Variants in TRAPPC5 observed in about 807,000 individuals in gnomAD.
TRAPPC5 encodes trafficking protein particle complex subunit 5, also known as trafficking protein particle complex 5.
Under a neutral mutation model 9.8 loss-of-function variants are expected in TRAPPC5, and 5 were observed. That is an observed-to-expected ratio of 0.51 (90% CI 0.27 to 1.07). The LOEUF (loss-of-function observed/expected upper bound fraction) is 1.07, where lower values mean the gene tolerates loss of function less well. Among genes scored for constraint, TRAPPC5 ranks in the 50% least tolerant of loss-of-function variants. The pLI is 0.12. For synonymous variants in TRAPPC5, 146 were observed against 140.7 expected, an observed-to-expected ratio of 1.04 and a Z score of -0.26; for missense variants, 243 against 291.5, an observed-to-expected ratio of 0.83 and a Z score of 1.21.
chr19:7,682,604 C>T lies in TRAPPC5; in HGVS notation c.351C>T (p.Ile117=), dbSNP rs1040328358. The T allele has an allele frequency of 3.2e-5, 51 of 1,612,778 alleles. No homozygotes were observed. Among genetic ancestry groups the T allele is most frequent in the Non-Finnish European group, 4.2e-5 (50 of 1,179,992 alleles). The stretch of plus-strand genomic sequence containing the variant: ...ACGATGACGCGCGCACCTTCTACAT[C>T]ATCGAGCGCGAGCCGCTCATCAACA... ...QANDDARTFY[I]IEREPLINTY... The change falls in exon 2 of 2, where the codon ATC becomes ATT. Residue 117 remains isoleucine, a synonymous_variant. Coordinates refer to ENST00000596148, the MANE Select transcript of TRAPPC5 (RefSeq NM_001042462.2). This position sits in a 1 kb window ranked among gnomAD's most constrained non-coding sequence, Gnocchi z 8.6.
rs915860516 is a variant in TRAPPC5 at position 7,681,478 on chromosome 19, C to T, written c.-13+600C>T. ...GGAGAGCACGGGGGTGGGAGGCTCC[C>T]AACACCTCTGGGCCCCTCCTCCCAG... is the stretch of plus-strand genomic sequence containing the variant. On this transcript the variant is annotated intron_variant, in intron 1 of 1. Transcript: ENST00000596148. The surrounding 1 kb of genome is among the most constrained non-coding windows in gnomAD (Gnocchi z 8.7). Among the ~76,000 whole-genome samples the T allele has an allele frequency of 4.0e-5, 6 of 151,434 alleles. No homozygotes were observed. Among genetic ancestry groups the T allele is most frequent in the Non-Finnish European group, 8.8e-5 (6 of 68,036 alleles).
In TRAPPC5 at chr19:7,681,365, T is replaced by C. The variant is rs1353935511; in HGVS notation, c.-13+487T>C. 6.6e-6 allele frequency among the ~76,000 whole-genome samples: 1 copy of C among 151,826 alleles called. No individual in the cohort carries two copies. Among genetic ancestry groups the C allele is most frequent in the Non-Finnish European group, 1.5e-5 (1 of 67,936 alleles). On this transcript the variant is annotated intron_variant, in intron 1 of 1. Coordinates refer to ENST00000596148, the MANE Select transcript of TRAPPC5 (RefSeq NM_001042462.2). The surrounding 1 kb of genome is among the most constrained non-coding windows in gnomAD (Gnocchi z 8.7). ...CGGCGCCCGCTCCCCACCCCATTTC[T>C]CTTCAGGAGCCCCCTACCCCATCTC... is the stretch of plus-strand genomic sequence containing the variant.
chr19:7,684,494 C>T lies in TRAPPC5; in HGVS notation c.*1674C>T. The T allele has an allele frequency of 6.6e-6, 1 of 152,478 alleles. No homozygotes were observed. The highest frequency in any genetic ancestry group is 1.5e-5 in the Non-Finnish European group (1 of 68,280). 9.4% of individuals were successfully genotyped at this position (152,478 alleles called of 1,614,324 possible). A position where few individuals can be genotyped will look rare whatever the true frequency, so the allele number is the denominator to read the frequency against. On this transcript the variant is annotated 3_prime_UTR_variant, in exon 2 of 2. Transcript: ENST00000596148. ...CCCGGGAGGTGGAGGTTGCAGTGAG[C>T]CGAGATTGCACCATTGCACTCCAGC...
rs1306346274 is a variant in TRAPPC5, at chr19:7,682,382, C to G, written c.129C>G (p.Arg43=). 2.5e-6 allele frequency: 4 copies of G among 1,570,840 alleles called. No individual in the cohort carries two copies. The African/African-American group carries it at 5.4e-5, about 21-fold the overall frequency. Residue 43 remains arginine, a synonymous_variant, in exon 2 of 2, where the codon CGC becomes CGG. Transcript: ENST00000596148. This position sits in a 1 kb window ranked among gnomAD's most constrained non-coding sequence, Gnocchi z 8.6. ...FSELVQHCQS[R]VFSVAELQSR... Reference sequence around the variant, plus strand: ...AGCTGGTACAGCACTGCCAGAGCCGCGTCTTCTCCGTGGCCGAGCTGCAGT... The same window carrying G: ...AGCTGGTACAGCACTGCCAGAGCCGGGTCTTCTCCGTGGCCGAGCTGCAGT...
Position 7,682,237 on chromosome 19 carries a change from C to G in TRAPPC5, c.-12-5C>G. ...TGACACCTGCACTTCCTGGTCTCCC[C>G]GCAGGGTGGCGGCGGCATGGAGGCG... On this transcript the variant is annotated splice_region_variant and splice_polypyrimidine_tract_variant and intron_variant, in intron 1 of 1. Coordinates refer to ENST00000596148, the MANE Select transcript of TRAPPC5 (RefSeq NM_001042462.2). This position sits in a 1 kb window ranked among gnomAD's most constrained non-coding sequence, Gnocchi z 8.6. 1.4e-6 allele frequency: 2 copies of G among 1,389,054 alleles called. No homozygotes were observed. The highest frequency in any genetic ancestry group is 1.9e-6 in the Non-Finnish European group (2 of 1,079,394). The allele number at this position is 1,389,054 out of a possible 1,614,324, so 86.0% of individuals were successfully genotyped here. A position where few individuals can be genotyped will look rare whatever the true frequency, so the allele number is the denominator to read the frequency against.
Position 7,682,228 on chromosome 19 carries a change from T to G in TRAPPC5, c.-12-14T>G. 1 of 1,385,278 alleles carries G rather than the reference T, an allele frequency of 7.2e-7. No homozygotes were observed. The highest frequency in any genetic ancestry group is 9.3e-7 in the Non-Finnish European group (1 of 1,077,582). The allele number at this position is 1,385,278 out of a possible 1,614,324, so 85.8% of individuals were successfully genotyped here. A position where few individuals can be genotyped will look rare whatever the true frequency, so the allele number is the denominator to read the frequency against. On this transcript the variant is annotated splice_polypyrimidine_tract_variant and intron_variant, in intron 1 of 1. Transcript: ENST00000596148. The surrounding 1 kb of genome is among the most constrained non-coding windows in gnomAD (Gnocchi z 8.6). Reference sequence around the variant, plus strand: ...CATTGCCCCTGACACCTGCACTTCCTGGTCTCCCCGCAGGGTGGCGGCGGC... The same window carrying G: ...CATTGCCCCTGACACCTGCACTTCCGGGTCTCCCCGCAGGGTGGCGGCGGC...
At position 7,684,763 on chromosome 19, in the gene TRAPPC5, C is replaced by T. The variant is rs1184497808; in HGVS notation, c.*1943C>T. 1.3e-5 allele frequency: 2 copies of T among 152,188 alleles called. No homozygotes were observed. The highest frequency in any genetic ancestry group is 1.3e-4 in the Admixed American group (2 of 15,278). The allele number at this position is 152,188 out of a possible 1,614,324, so 9.4% of individuals were successfully genotyped here. A position where few individuals can be genotyped will look rare whatever the true frequency, so the allele number is the denominator to read the frequency against. Reference sequence around the variant, plus strand: ...TGTATTTTTAGTAGAGATGAGGTTTCACTGTGTTGGCCAGTCTGGTCAATA... The same window carrying T: ...TGTATTTTTAGTAGAGATGAGGTTTTACTGTGTTGGCCAGTCTGGTCAATA... On this transcript the variant is annotated 3_prime_UTR_variant, in exon 2 of 2. Coordinates refer to ENST00000596148, the MANE Select transcript of TRAPPC5 (RefSeq NM_001042462.2).
rs1291854257 is a variant in TRAPPC5 at position 7,682,944 on chromosome 19, G to A, written c.*124G>A. 25 of 1,135,804 alleles carry A rather than the reference G, an allele frequency of 2.2e-5. No individual in the cohort carries two copies. The highest frequency in any genetic ancestry group is 3.0e-5 in the Non-Finnish European group (24 of 808,024). 70.4% of individuals were successfully genotyped at this position (1,135,804 alleles called of 1,614,324 possible). A position where few individuals can be genotyped will look rare whatever the true frequency, so the allele number is the denominator to read the frequency against. Reference sequence around the variant, plus strand: ...TGCCCCAGGCTGGGGAGGGAGGCCAGGTCCGAATGTGTTTACAGTAGAGTG... The same window carrying A: ...TGCCCCAGGCTGGGGAGGGAGGCCAAGTCCGAATGTGTTTACAGTAGAGTG... On this transcript the variant is annotated 3_prime_UTR_variant, in exon 2 of 2. Transcript: ENST00000596148. This position sits in a 1 kb window ranked among gnomAD's most constrained non-coding sequence, Gnocchi z 8.6.
Position 7,681,579 on chromosome 19 carries a change from G to A in TRAPPC5, c.-12-663G>A, listed in dbSNP as rs1055977906. On this transcript the variant is annotated intron_variant, in intron 1 of 1. Coordinates refer to ENST00000596148, the MANE Select transcript of TRAPPC5 (RefSeq NM_001042462.2). The surrounding 1 kb of genome is among the most constrained non-coding windows in gnomAD (Gnocchi z 8.7). ...TGACACATCGGAGCTGCCTGCCTGAGGGCTTGGGGTTGGGGGTTACCCGCC... is the reference window on the plus strand; with the variant it reads ...TGACACATCGGAGCTGCCTGCCTGAAGGCTTGGGGTTGGGGGTTACCCGCC... Among the ~76,000 whole-genome samples the A allele has an allele frequency of 8.5e-5, 13 of 152,120 alleles. No homozygotes were observed. The highest frequency in any genetic ancestry group is 2.9e-4 in the African/African-American group (12 of 41,408).
rs931906355 is a variant in TRAPPC5, at chr19:7,683,195, T to C, written c.*375T>C. Reference sequence around the variant, plus strand: ...ACTGCGCAAAGTGCCAGATGGGCAATATTTTATGCCATGTGGTCTTTATTA... The same window carrying C: ...ACTGCGCAAAGTGCCAGATGGGCAACATTTTATGCCATGTGGTCTTTATTA... On this transcript the variant is annotated 3_prime_UTR_variant, in exon 2 of 2. Coordinates refer to ENST00000596148, the MANE Select transcript of TRAPPC5 (RefSeq NM_001042462.2). 10 of 236,066 alleles carry C rather than the reference T, an allele frequency of 4.2e-5. No homozygotes were observed. The highest frequency in any genetic ancestry group is 2.3e-4 in the African/African-American group (10 of 44,038). The allele number at this position is 236,066 out of a possible 1,614,324, so 14.6% of individuals were successfully genotyped here.
chr19:7,682,879 TGGC>T lies in TRAPPC5; in HGVS notation c.*63_*65del, dbSNP rs1268517683. 1 of 1,491,770 alleles carries T rather than the reference TGGC, an allele frequency of 6.7e-7. No homozygotes were observed. The highest frequency in any genetic ancestry group is 9.0e-7 in the Non-Finnish European group (1 of 1,110,944). The allele number at this position is 1,491,770 out of a possible 1,614,324, so 92.4% of individuals were successfully genotyped here. A position where few individuals can be genotyped will look rare whatever the true frequency, so the allele number is the denominator to read the frequency against. ...CCCCACGTGTGTCTTGTGTCTTGTGTGGCGGCCTTAGATCCACTCAGTACCTTG... is the reference window on the plus strand; with the variant it reads ...CCCCACGTGTGTCTTGTGTCTTGTGTGGCCTTAGATCCACTCAGTACCTTG... On this transcript the variant is annotated 3_prime_UTR_variant, in exon 2 of 2. Coordinates refer to ENST00000596148, the MANE Select transcript of TRAPPC5 (RefSeq NM_001042462.2). The surrounding 1 kb of genome is among the most constrained non-coding windows in gnomAD (Gnocchi z 8.6).
Position 7,684,185 on chromosome 19 carries a change from A to G in TRAPPC5, c.*1365A>G, listed in dbSNP as rs1056775443. On this transcript the variant is annotated 3_prime_UTR_variant, in exon 2 of 2. Coordinates refer to ENST00000596148, the MANE Select transcript of TRAPPC5 (RefSeq NM_001042462.2). ...CCAGAGCTGCTGAATCTGAGGGTGC[A>G]TTTTAGCGAGGCCCCCAGGGGATTC... 1 of 152,126 alleles carries G rather than the reference A, an allele frequency of 6.6e-6. No homozygotes were observed. Among genetic ancestry groups the G allele is most frequent in the Non-Finnish European group, 1.5e-5 (1 of 68,028 alleles). The allele number at this position is 152,126 out of a possible 1,614,324, so 9.4% of individuals were successfully genotyped here.
At position 7,684,205 on chromosome 19, in the gene TRAPPC5, G is replaced by A. The variant is rs897647908; in HGVS notation, c.*1385G>A. The A allele has an allele frequency of 1.3e-5, 2 of 152,144 alleles. No individual in the cohort carries two copies. Among genetic ancestry groups the A allele is most frequent in the Admixed American group, 6.5e-5 (1 of 15,268 alleles). The allele number at this position is 152,144 out of a possible 1,614,324, so 9.4% of individuals were successfully genotyped here. A position where few individuals can be genotyped will look rare whatever the true frequency, so the allele number is the denominator to read the frequency against. ...GGTGCATTTTAGCGAGGCCCCCAGG[G>A]GATTCCTGGGGACCTTAGATTGAGA... On this transcript the variant is annotated 3_prime_UTR_variant, in exon 2 of 2. Transcript: ENST00000596148.
rs574486319 is a variant in TRAPPC5, at chr19:7,681,728, C to G, written c.-12-514C>G. 1.3e-5 allele frequency among the ~76,000 whole-genome samples: 2 copies of G among 152,172 alleles called. No individual in the cohort carries two copies. The highest frequency in any genetic ancestry group is 4.8e-5 in the African/African-American group (2 of 41,532). On this transcript the variant is annotated intron_variant, in intron 1 of 1. Coordinates refer to ENST00000596148, the MANE Select transcript of TRAPPC5 (RefSeq NM_001042462.2). This position sits in a 1 kb window ranked among gnomAD's most constrained non-coding sequence, Gnocchi z 8.7. ...TTTACTCTGGCTTTCCGCAGGGGGC[C>G]GGCAGGAAAGTTCCCGAGGGTCGTC...
chr19:7,681,544 G>T lies in TRAPPC5; in HGVS notation c.-13+666G>T, dbSNP rs934772117. ...CCCATCCGCGTCTCAAAGGACGAAG[G>T]GTTCCTGCGTGACACATCGGAGCTG... On this transcript the variant is annotated intron_variant, in intron 1 of 1. Transcript: ENST00000596148. The surrounding 1 kb of genome is among the most constrained non-coding windows in gnomAD (Gnocchi z 8.7). Among the ~76,000 whole-genome samples the T allele has an allele frequency of 1.3e-5, 2 of 152,244 alleles. No individual in the cohort carries two copies. Among genetic ancestry groups the T allele is most frequent in the Middle Eastern group, 6.8e-3 (2 of 294 alleles).
rs1375745078 is a variant in TRAPPC5, at chr19:7,685,711, T to G, written c.*2891T>G. 6.6e-6 allele frequency: 1 copy of G among 152,356 alleles called. No homozygotes were observed. The highest frequency in any genetic ancestry group is 1.5e-5 in the Non-Finnish European group (1 of 68,180). 9.4% of individuals were successfully genotyped at this position (152,356 alleles called of 1,614,324 possible). On this transcript the variant is annotated 3_prime_UTR_variant, in exon 2 of 2. Coordinates refer to ENST00000596148, the MANE Select transcript of TRAPPC5 (RefSeq NM_001042462.2). Reference sequence around the variant, plus strand: ...GAAACCATTGAGCAACCACCACACATAGCCCCAGGGCTGATCCTGGAATAG... The same window carrying G: ...GAAACCATTGAGCAACCACCACACAGAGCCCCAGGGCTGATCCTGGAATAG...
At position 7,682,861 on chromosome 19, in the gene TRAPPC5, T is replaced by C. The variant is rs1248433918; in HGVS notation, c.*41T>C. On this transcript the variant is annotated 3_prime_UTR_variant, in exon 2 of 2. Coordinates refer to ENST00000596148, the MANE Select transcript of TRAPPC5 (RefSeq NM_001042462.2). The surrounding 1 kb of genome is among the most constrained non-coding windows in gnomAD (Gnocchi z 8.6). ...AGGATACAGAGAGCCCCTCCCCACG[T>C]GTGTCTTGTGTCTTGTGTGGCGGCC... 1.3e-6 allele frequency: 2 copies of C among 1,499,890 alleles called. No homozygotes were observed. The highest frequency in any genetic ancestry group is 2.8e-5 in the African/African-American group (2 of 72,092). 92.9% of individuals were successfully genotyped at this position (1,499,890 alleles called of 1,614,324 possible). A position where few individuals can be genotyped will look rare whatever the true frequency, so the allele number is the denominator to read the frequency against.
chr19:7,687,136 G>T lies in TRAPPC5; in HGVS notation c.*4316G>T, dbSNP rs112729727. 0.067 allele frequency: 10,166 copies of T among 152,684 alleles called. 377 individuals are homozygous for T. Among genetic ancestry groups the T allele is most frequent in the Non-Finnish European group, 0.082 (5,606 of 68,264 alleles). The allele number at this position is 152,684 out of a possible 1,614,324, so 9.5% of individuals were successfully genotyped here. A position where few individuals can be genotyped will look rare whatever the true frequency, so the allele number is the denominator to read the frequency against. ...CTGGAAAGGGGGCAGTGAAGAGAGA[G>T]CCCCGGGCGGAGGTGACTGCTCCAG... is the stretch of plus-strand genomic sequence containing the variant. On this transcript the variant is annotated 3_prime_UTR_variant, in exon 2 of 2. Coordinates refer to ENST00000596148, the MANE Select transcript of TRAPPC5 (RefSeq NM_001042462.2).
At position 7,681,853 on chromosome 19, in the gene TRAPPC5, C is replaced by A. The variant is rs1041877566; in HGVS notation, c.-12-389C>A. ...GCCCTAGATCTGACGCCCCTCCCCC[C>A]ATACACTAGTTTTCTAGTTACTCCT... On this transcript the variant is annotated intron_variant, in intron 1 of 1. Transcript: ENST00000596148. This position sits in a 1 kb window ranked among gnomAD's most constrained non-coding sequence, Gnocchi z 8.7. Among the ~76,000 whole-genome samples the A allele has an allele frequency of 2.0e-5, 3 of 152,158 alleles. No homozygotes were observed. The highest frequency in any genetic ancestry group is 7.2e-5 in the African/African-American group (3 of 41,420).
Sources: allele counts gnomAD v4.1 joint callset (sites outside exome capture counted in the v4.1 genomes callset), GRCh38; gene constraint gnomAD v4.1.1; non-coding constraint Gnocchi (gnomAD v3.1); transcripts MANE v1.5; gene names NCBI Gene and HGNC (gene_info 2026-07-23, HGNC 2026-07-21).